XKR9: variants seen among roughly 807,000 people sequenced by gnomAD.
The protein encoded by XKR9 is XK related 9.
Under a neutral mutation model 32.0 loss-of-function variants are expected in XKR9, and 32 were observed. That is an observed-to-expected ratio of 1.00 (90% CI 0.76 to 1.34). The LOEUF (loss-of-function observed/expected upper bound fraction) is 1.34, where lower values mean the gene tolerates loss of function less well. XKR9 is among the 40% of genes most tolerant of loss of function. The pLI is 0.00. For synonymous variants in XKR9, 168 were observed against 143.4 expected (o/e 1.17, Z -1.22); for missense variants, 546 against 429.7 (o/e 1.27, Z -2.39).
At chr8:70,771,884 A>G (rs1442572092) in intron 2 of XKR9, among the ~76,000 whole-genome samples, 1 of 152,194 alleles carries the variant, frequency 6.6e-6, no homozygotes, top group African/African-American at 2.4e-5. Context: ...GTAGATATTG[A>G]CAAAATTTCT....
At chr8:71,008,153 G>A in the XKR9 span, among the ~76,000 whole-genome samples, 3 of 152,144 alleles carry the variant, frequency 2.0e-5, no homozygotes, top group Admixed American at 2.0e-4. Context: ...TTGGGGGTAA[G>A]GCTGTTTGTT....
At chr8:70,861,013 T>A in the XKR9 span, among the ~76,000 whole-genome samples, 1 of 152,188 alleles carries the variant, frequency 6.6e-6, no homozygotes, top group Non-Finnish European at 1.5e-5. Context: ...ATATTGTCTG[T>A]CTTCTCTTTC....
At chr8:70,934,793 C>A in the XKR9 span, among the ~76,000 whole-genome samples, 14 of 151,794 alleles carry the variant, frequency 9.2e-5, no homozygotes, top group Non-Finnish European at 5.9e-5. Context: ...CTTGATGTAA[C>A]TCGTTTTAAC....
the XKR9 span, among the ~76,000 whole-genome samples, chr8:70,930,552 TA>T: frequency 1.3e-5 from 2 of 152,242 alleles, no homozygotes; most frequent in Non-Finnish European, 2.9e-5. Flanking sequence ...CAGGCTGTGT[TA>T]ATGGATGCAT....
the XKR9 span, among the ~76,000 whole-genome samples, chr8:70,831,858 A>AT: frequency 1.3e-5 from 2 of 152,170 alleles, no homozygotes; most frequent in African/African-American, 4.8e-5. Context: ...TGATGCCATG[A>AT]TTGGAACCTA....
chr8:71,005,053 C>A, the XKR9 span, among the ~76,000 whole-genome samples: 1 of 98,852 alleles, frequency 1.0e-5, no homozygotes, highest in African/African-American at 3.6e-5. Flanking sequence ...CTATGTTGCC[C>A]AGGCTGGTCT....
intron 2 of XKR9, among the ~76,000 whole-genome samples, chr8:70,762,443 A>G (rs1807321522): frequency 6.6e-6 from 1 of 152,188 alleles, no homozygotes; most frequent in South Asian, 2.1e-4. Context: ...CTTCTGTCCC[A>G]TAAGCCACAG....
the XKR9 span, among the ~76,000 whole-genome samples, chr8:70,890,861 A>T: frequency 6.6e-6 from 1 of 151,960 alleles, no homozygotes; most frequent in Non-Finnish European, 1.5e-5. Context: ...GAAGAGTTTA[A>T]AAAGTCTTGG....
chr8:70,716,640 G>A (rs755876714), intron 4 of XKR9, among the ~76,000 whole-genome samples: 6 of 152,108 alleles, frequency 3.9e-5, no homozygotes, highest in South Asian at 2.1e-4. Context: ...TCCATGACAC[G>A]TGGGGCTTAT....
At chr8:70,977,835 T>A in the XKR9 span, among the ~76,000 whole-genome samples, 1 of 152,216 alleles carries the variant, frequency 6.6e-6, no homozygotes, top group Non-Finnish European at 1.5e-5. Flanking sequence ...GACAGTGGGT[T>A]GTTAAAGTCT....
At chr8:70,687,359 T>TTTCTTTCC (rs1563422846) in intron 3 of XKR9, among the ~76,000 whole-genome samples, 2 of 146,146 alleles carry the variant, frequency 1.4e-5, no homozygotes, top group Non-Finnish European at 3.0e-5. Context: ...TCTTTCTTTC[T>TTTCTTTCC]CTCTTTCCTT....
rs1466163794 is a variant in XKR9, at chr8:70,776,919, T to TCTCTCTCTCTCTCTCTCTC, written n.353-12420_353-12419insCTCTCTCTCTCTCTCTCTC. ...ACCTTGCATTTAGCAGGTTTTCTCT[T>TCTCTCTCTCTCTCTCTCTC]TCTTTCTCTCTCTCTCTCTCTCTCT... On this transcript the variant is annotated intron_variant and non_coding_transcript_variant, in intron 2 of 3. Transcript: ENST00000520273. Among the ~76,000 whole-genome samples the TCTCTCTCTCTCTCTCTCTC allele has an allele frequency of 9.5e-4, 67 of 70,398 alleles. 7 individuals carry two copies. The highest frequency in any genetic ancestry group is 1.5e-3 in the Admixed American group (9 of 6,168). The allele number at this position is 70,398 out of a possible 152,430, so 46.2% of individuals were successfully genotyped here. A position where few individuals can be genotyped will look rare whatever the true frequency, so the allele number is the denominator to read the frequency against.
chr8:70,804,098 G>A, the XKR9 span, among the ~76,000 whole-genome samples: 1 of 152,226 alleles, frequency 6.6e-6, no homozygotes, highest in Non-Finnish European at 1.5e-5. Context: ...GAGTGTGGGT[G>A]GGGTTGCCCT....
rs150151437 is a variant in XKR9 at position 70,693,989 on chromosome 8, C to G, written c.272+12659C>G. Among the ~76,000 whole-genome samples, 157 of 152,256 alleles carry G rather than the reference C, an allele frequency of 1.0e-3. 2 individuals are homozygous for G. The highest frequency in any genetic ancestry group is 3.5e-3 in the African/African-American group (147 of 41,558). ...CTCTGGCAGGGGGTGGTTGGAGGCC[C>G]AGGGCTGGAGGACCTGCCCAGTGAG... On this transcript the variant is annotated intron_variant, in intron 3 of 4. Coordinates refer to ENST00000408926, the MANE Select transcript of XKR9 (RefSeq NM_001011720.2).
the XKR9 span, among the ~76,000 whole-genome samples, chr8:70,832,303 G>A: frequency 6.6e-6 from 1 of 152,002 alleles, no homozygotes; most frequent in African/African-American, 2.4e-5. Flanking sequence ...CACGGGGTAG[G>A]GACATTGAAG....
At chr8:70,862,050 G>A in the XKR9 span, among the ~76,000 whole-genome samples, 5 of 152,134 alleles carry the variant, frequency 3.3e-5, no homozygotes, top group South Asian at 2.1e-4. Flanking sequence ...CAAGTGAGAC[G>A]GAGTGGGACC....
chr8:70,800,982 G>GTT, the XKR9 span, among the ~76,000 whole-genome samples: 23 of 127,174 alleles, frequency 1.8e-4, no homozygotes, highest in African/African-American at 3.8e-4. Context: ...GGTCTCTAAG[G>GTT]TTTTTTTTTT....
chr8:70,945,335 C>T, the XKR9 span, among the ~76,000 whole-genome samples: 1 of 152,130 alleles, frequency 6.6e-6, no homozygotes, highest in Non-Finnish European at 1.5e-5. Flanking sequence ...AGATGATGAT[C>T]AGTGGATTTA....
At chr8:71,007,640 A>C in the XKR9 span, among the ~76,000 whole-genome samples, 1 of 152,164 alleles carries the variant, frequency 6.6e-6, no homozygotes, top group Admixed American at 6.5e-5. Flanking sequence ...AATAACAAGA[A>C]AAAAATTAAA....
Sources: gnomAD v4.1 joint callset for allele counts (sites outside exome capture counted in the v4.1 genomes callset) on GRCh38, gnomAD v4.1.1 for gene constraint, MANE v1.5 for transcripts, NCBI Gene and HGNC (gene_info 2026-07-23, HGNC 2026-07-21) for gene names.